ASTN2: variants seen among roughly 807,000 people sequenced by gnomAD.
ASTN2 encodes the protein astrotactin-2.
Under a neutral mutation model 139.8 loss-of-function variants are expected in ASTN2, and 54 were observed. That is an observed-to-expected ratio of 0.39 (90% CI 0.31 to 0.48). The LOEUF is 0.48. Ranked by LOEUF, ASTN2 falls within the 20% of genes least tolerant of loss-of-function variation. The probability of loss-of-function intolerance (pLI) is 0.95; values close to 1 mark genes in which losing one functional copy is unlikely to be tolerated. For missense variants in ASTN2, 1,565 were observed against 1,725.1 expected (o/e 0.91, Z 1.64); for synonymous variants, 756 against 719.5 (o/e 1.05, Z -0.81).
In ASTN2 at chr9:117,115,592, TA is replaced by T. The variant is rs145688536; in HGVS notation, c.1169-19442del. ...CAAGTCTTAAGTGAGATAATACATT[TA>T]AAAGGATATTGGAAACCTTGGACAA... On this transcript the variant is annotated intron_variant, in intron 4 of 22. Coordinates refer to ENST00000313400, the MANE Select transcript of ASTN2 (RefSeq NM_001365068.1). Among the ~76,000 whole-genome samples the T allele has an allele frequency of 4.2e-3, 640 of 152,240 alleles. 6 individuals carry two copies. Among genetic ancestry groups the T allele is most frequent in the African/African-American group, 0.015 (615 of 41,536 alleles).
Position 117,195,209 on chromosome 9 carries a change from G to A in ASTN2, c.1015+19149C>T, listed in dbSNP as rs539799104. 2.6e-5 allele frequency among the ~76,000 whole-genome samples: 4 copies of A among 152,338 alleles called. No individual in the cohort carries two copies. The South Asian group carries it at 6.2e-4, about 24-fold the overall frequency. ...GAACTCACATAGAGAAAAGAGGTTTGTCTGAAGAAATGAGATTTAAACTGA... is the reference window on the plus strand; with the variant it reads ...GAACTCACATAGAGAAAAGAGGTTTATCTGAAGAAATGAGATTTAAACTGA... On this transcript the variant is annotated intron_variant, in intron 3 of 22. Transcript: ENST00000313400.
At chr9:116,985,997 G>A (rs187424692) in intron 7 of ASTN2, among the ~76,000 whole-genome samples, 1 of 152,022 alleles carries the variant, frequency 6.6e-6, no homozygotes, top group South Asian at 2.1e-4. Flanking sequence ...ATCAGAAAAC[G>A]GGCATCTTAA....
intron 1 of ASTN2, among the ~76,000 whole-genome samples, chr9:117,305,737 G>A (rs570199620): frequency 6.6e-6 from 1 of 152,310 alleles, no homozygotes; most frequent in East Asian, 1.9e-4. Flanking sequence ...CACTTATTAA[G>A]TGCTTACTCT....
chr9:116,982,074 C>T (rs1836526164), intron 7 of ASTN2, among the ~76,000 whole-genome samples: 1 of 152,190 alleles, frequency 6.6e-6, no homozygotes, highest in Non-Finnish European at 1.5e-5. Flanking sequence ...CATGAACAAT[C>T]TGTGTTCATC....
chr9:116,525,822 C>A (rs542153345), intron 19 of ASTN2, among the ~76,000 whole-genome samples: 1 of 152,242 alleles, frequency 6.6e-6, no homozygotes, highest in Non-Finnish European at 1.5e-5. Flanking sequence ...AATGTCAAAG[C>A]TCTTTACAGT....
chr9:116,895,958 A>G (rs529028122), intron 10 of ASTN2, among the ~76,000 whole-genome samples: 1 of 152,380 alleles, frequency 6.6e-6, no homozygotes, highest in South Asian at 2.1e-4. Flanking sequence ...TGATTTTTAA[A>G]AAACAATAAA....
intron 13 of ASTN2, among the ~76,000 whole-genome samples, chr9:116,761,847 T>C (rs953862743): frequency 6.6e-6 from 1 of 152,116 alleles, no homozygotes. Context: ...GGCTGCTATA[T>C]GGAGAATGAA....
Position 116,440,700 on chromosome 9 carries a change from A to G in ASTN2, c.3691T>C (p.Ser1231Pro). Reference protein sequence around the residue: ...AYNTLMEVSASMLFRVQHHYN... With the variant: ...AYNTLMEVSAPMLFRVQHHYN... ...TGGTGCTGGACTCGGAACAGCATCG[A>G]GGCTGAGACCTCCATCAGTGTGTTG... The change falls in exon 22 of 23, where the codon TCG (serine) becomes CCG (proline). Residue 1231 changes from serine to proline, a missense_variant. Ser to Pro is a moderately conservative substitution (Grantham distance 74, BLOSUM62 -1). Coordinates refer to ENST00000313400, the MANE Select transcript of ASTN2 (RefSeq NM_001365068.1). The G allele has an allele frequency of 1.2e-6, 2 of 1,614,198 alleles. No individual in the cohort carries two copies. The highest frequency in any genetic ancestry group is 1.7e-6 in the Non-Finnish European group (2 of 1,180,024).
chr9:116,689,776 C>A (rs992136772), intron 16 of ASTN2, among the ~76,000 whole-genome samples: 3 of 152,060 alleles, frequency 2.0e-5, no homozygotes. Flanking sequence ...TTGGTTTGCC[C>A]TTAGACCAAG....
At chr9:116,697,803 C>A (rs778694090) in intron 16 of ASTN2, 2 of 1,614,174 alleles carry the variant, frequency 1.2e-6, no homozygotes, top group South Asian at 2.2e-5. Flanking sequence ...GCTAGAATGC[C>A]CCATCTGCAT....
At chr9:116,811,202 A>T (rs1412157570) in intron 12 of ASTN2, among the ~76,000 whole-genome samples, 1 of 151,130 alleles carries the variant, frequency 6.6e-6, no homozygotes, top group Non-Finnish European at 1.5e-5. Context: ...ACTTTGTTTT[A>T]TAATTCTTTT....
In ASTN2 at chr9:116,850,007, CCTT is replaced by C. The variant is rs376189879; in HGVS notation, c.2040+13573_2040+13575del. 6.6e-4 allele frequency among the ~76,000 whole-genome samples: 101 copies of C among 152,222 alleles called. 2 individuals are homozygous for C. The South Asian group carries it at 0.016, about 24-fold the overall frequency. Reference sequence around the variant, plus strand: ...AGCAATTTAAAAGAAGAAAAAAAATCCTTCTCTGAATGGAGACAGATGCCATAT... The same window carrying C: ...AGCAATTTAAAAGAAGAAAAAAAATCCTCTGAATGGAGACAGATGCCATAT... On this transcript the variant is annotated intron_variant, in intron 11 of 22. Transcript: ENST00000313400.
At chr9:116,849,750 G>T (rs766354047) in intron 11 of ASTN2, among the ~76,000 whole-genome samples, 6 of 152,202 alleles carry the variant, frequency 3.9e-5, no homozygotes, top group African/African-American at 4.8e-5. Context: ...GGCTGGTATC[G>T]CTTCCCCATC....
At chr9:116,590,167 G>A (rs1285334363) in intron 19 of ASTN2, among the ~76,000 whole-genome samples, 1 of 152,210 alleles carries the variant, frequency 6.6e-6, no homozygotes, top group African/African-American at 2.4e-5. Context: ...GGAGGAGCGG[G>A]AGCCCCACCC....
intron 13 of ASTN2, among the ~76,000 whole-genome samples, chr9:116,756,072 G>A (rs1829524438): frequency 6.6e-6 from 1 of 152,216 alleles, no homozygotes; most frequent in Non-Finnish European, 1.5e-5. Context: ...TGTTACAGTA[G>A]CCATGTAAAA....
At chr9:117,160,059 C>T (rs1445518989) in intron 3 of ASTN2, among the ~76,000 whole-genome samples, 1 of 151,936 alleles carries the variant, frequency 6.6e-6, no homozygotes, top group Non-Finnish European at 1.5e-5. Flanking sequence ...GCATTTAAGG[C>T]CTTCGTTTGT....
chr9:116,425,572 C>T lies in ASTN2; in HGVS notation c.*279G>A. 3.1e-6 allele frequency: 5 copies of T among 1,613,084 alleles called. No individual in the cohort carries two copies. Among genetic ancestry groups the T allele is most frequent in the Non-Finnish European group, 4.2e-6 (5 of 1,179,744 alleles). On this transcript the variant is annotated 3_prime_UTR_variant, in exon 23 of 23. Transcript: ENST00000313400. Reference sequence around the variant, plus strand: ...AAAACTTCTGCCTCGGGATTGACAGCCATCCATAAGAAAAGGTTTAAAAAG... The same window carrying T: ...AAAACTTCTGCCTCGGGATTGACAGTCATCCATAAGAAAAGGTTTAAAAAG...
At chr9:116,931,167 G>C (rs763732957) in intron 10 of ASTN2, among the ~76,000 whole-genome samples, 5 of 152,074 alleles carry the variant, frequency 3.3e-5, no homozygotes, top group Non-Finnish European at 5.9e-5. Context: ...TACCTGGCAG[G>C]GTTCTGATCA....
intron 19 of ASTN2, among the ~76,000 whole-genome samples, chr9:116,560,167 A>G (rs1453259650): frequency 6.6e-6 from 1 of 152,206 alleles, no homozygotes; most frequent in Non-Finnish European, 1.5e-5. Flanking sequence ...TGTGACTTAC[A>G]CATTTCTTTG....
Sources: gnomAD v4.1 joint callset for allele counts (sites outside exome capture counted in the v4.1 genomes callset) on GRCh38, gnomAD v4.1.1 for gene constraint, MANE v1.5 for transcripts, NCBI Gene and HGNC (gene_info 2026-07-23, HGNC 2026-07-21) for gene names.